SPATA6: variants seen among roughly 807,000 people sequenced by gnomAD.
The protein encoded by SPATA6 is spermatogenesis-associated protein 6.
A neutral mutation model predicts 65.3 loss-of-function variants in SPATA6; 56 were observed. The ratio of observed to expected loss-of-function variants is 0.86; its 90% CI spans 0.69 to 1.07. The LOEUF (loss-of-function observed/expected upper bound fraction) is 1.07, where lower values mean the gene tolerates loss of function less well. SPATA6 is among the 50% of genes least tolerant of loss of function. The pLI, the probability that SPATA6 is intolerant of heterozygous loss-of-function variation, is 0.00. For missense variants in SPATA6, 590 were observed against 594.8 expected, an observed-to-expected ratio of 0.99 and a Z score of 0.08; for synonymous variants, 199 against 213.2, an observed-to-expected ratio of 0.93 and a Z score of 0.58.
intron 3 of SPATA6, chr1:48,435,890 T>C: frequency 7.0e-7 from 1 of 1,424,568 alleles, no homozygotes; most frequent in African/African-American, 1.4e-5. Flanking sequence ...ATCTGCATCT[T>C]GAAAGGAAGA....
At chr1:48,365,605 T>C (rs1208160240) in intron 9 of SPATA6, among the ~76,000 whole-genome samples, 1 of 152,194 alleles carries the variant, frequency 6.6e-6, no homozygotes, top group African/African-American at 2.4e-5. Context: ...TTGTCTGTTA[T>C]TGGTGTATAA....
chr1:48,350,580 G>A (rs953089119), intron 11 of SPATA6, among the ~76,000 whole-genome samples: 8 of 151,758 alleles, frequency 5.3e-5, no homozygotes, highest in Non-Finnish European at 8.8e-5. Context: ...TGAATTACAC[G>A]CCAAGGGGCT....
At chr1:48,421,011 GCAGGATAGTAATAA>G (rs1036747687) in intron 3 of SPATA6, among the ~76,000 whole-genome samples, 6 of 152,132 alleles carry the variant, frequency 3.9e-5, no homozygotes, top group African/African-American at 1.4e-4. Context: ...GAAGTAGAGA[GCAGGATAGTAATAA>G]CCAGAGCTTG....
At chr1:48,277,366 C>T in the SPATA6 span, among the ~76,000 whole-genome samples, 1 of 152,224 alleles carries the variant, frequency 6.6e-6, no homozygotes. Context: ...TGAGCCAAAG[C>T]AGGGCGAGGC....
chr1:48,443,337 C>T (rs1655698735), intron 3 of SPATA6, among the ~76,000 whole-genome samples: 1 of 152,220 alleles, frequency 6.6e-6, no homozygotes, highest in African/African-American at 2.4e-5. Context: ...CAGACCCTAT[C>T]AGTGCCCCAC....
At chr1:48,334,153 A>G (rs1362495494) in intron 11 of SPATA6, among the ~76,000 whole-genome samples, 1 of 152,076 alleles carries the variant, frequency 6.6e-6, no homozygotes, top group Non-Finnish European at 1.5e-5. Context: ...CGACCAACCA[A>G]TAAAAGCCAA....
chr1:48,384,500 G>A (rs981719173), intron 9 of SPATA6, among the ~76,000 whole-genome samples: 3 of 150,872 alleles, frequency 2.0e-5, no homozygotes, highest in Admixed American at 6.7e-5. Flanking sequence ...GAAAAGATAA[G>A]CTATGAGACA....
intron 9 of SPATA6, among the ~76,000 whole-genome samples, chr1:48,363,515 G>C (rs754722562): frequency 5.3e-5 from 8 of 152,046 alleles, no homozygotes; most frequent in Non-Finnish European, 8.8e-5. Flanking sequence ...TTAAATGAAA[G>C]GAAAGTGAAA....
At chr1:48,412,870 C>T (rs1485819742) in intron 4 of SPATA6, among the ~76,000 whole-genome samples, 2 of 152,102 alleles carry the variant, frequency 1.3e-5, no homozygotes, top group East Asian at 3.9e-4. Context: ...CCGCCTGCCT[C>T]AGCCTCCCAA....
intron 7 of SPATA6, among the ~76,000 whole-genome samples, chr1:48,398,033 G>A (rs927745462): frequency 4.0e-5 from 6 of 151,424 alleles, no homozygotes; most frequent in Non-Finnish European, 8.9e-5. Flanking sequence ...TGAAAATATA[G>A]TATATCCTTT....
chr1:48,375,696 C>T (rs796628034), intron 9 of SPATA6, among the ~76,000 whole-genome samples: 10 of 152,054 alleles, frequency 6.6e-5, no homozygotes, highest in South Asian at 6.2e-4. Flanking sequence ...TGACCAACAC[C>T]GCCAGACTCA....
At chr1:48,302,689 A>T (rs541496674) in intron 12 of SPATA6, among the ~76,000 whole-genome samples, 3 of 152,186 alleles carry the variant, frequency 2.0e-5, no homozygotes, top group Admixed American at 6.6e-5. Flanking sequence ...GCCATAAATT[A>T]GTGGCTCATT....
chr1:48,403,878 T>C lies in SPATA6; in HGVS notation c.410A>G (p.Asn137Ser). ...TMRRISGLRG[N>S]APRLEFSTTS... ...CGTAGAAAATTCCAGCCTTGGAGCATTTCCCTGAGAAGAAAAAAGAGGGTA... is the reference window on the plus strand; with the variant it reads ...CGTAGAAAATTCCAGCCTTGGAGCACTTCCCTGAGAAGAAAAAAGAGGGTA... The change falls in exon 6 of 13, where the codon AAT becomes AGT. Residue 137 changes from asparagine (N) to serine (S), a missense_variant. Transcript: ENST00000371847. The C allele has an allele frequency of 6.2e-7, 1 of 1,607,604 alleles. No individual in the cohort carries two copies. The highest frequency in any genetic ancestry group is 2.2e-5 in the East Asian group (1 of 44,614).
chr1:48,373,996 A>G (rs1171347947), intron 9 of SPATA6, among the ~76,000 whole-genome samples: 2 of 152,184 alleles, frequency 1.3e-5, no homozygotes, highest in Non-Finnish European at 2.9e-5. Flanking sequence ...ACTGATCCAC[A>G]TAATTTCCAT....
At chr1:48,321,645 T>A (rs981128876) in intron 11 of SPATA6, among the ~76,000 whole-genome samples, 4 of 152,152 alleles carry the variant, frequency 2.6e-5, no homozygotes, top group African/African-American at 9.7e-5. Context: ...ATACCAGACT[T>A]AATCTGCACT....
chr1:48,312,151 G>A (rs776526826), intron 11 of SPATA6, among the ~76,000 whole-genome samples: 10 of 152,314 alleles, frequency 6.6e-5, no homozygotes, highest in Admixed American at 2.6e-4. Flanking sequence ...AGGGAATAGC[G>A]AAACAAAAGG....
chr1:48,429,394 C>T (rs951928621), intron 3 of SPATA6, among the ~76,000 whole-genome samples: 1 of 151,898 alleles, frequency 6.6e-6, no homozygotes, highest in African/African-American at 2.4e-5. Context: ...GGGAAGGCTC[C>T]GAAAATACTT....
chr1:48,453,741 G>A (rs1458045799), intron 1 of SPATA6, among the ~76,000 whole-genome samples: 1 of 152,080 alleles, frequency 6.6e-6, no homozygotes, highest in Non-Finnish European at 1.5e-5. Context: ...AAAGCTCCCA[G>A]AGGGGAGGAT....
Position 48,359,660 on chromosome 1 carries a change from T to C in SPATA6, c.1020A>G (p.Leu340=). Residue 340 remains leucine (L), a synonymous_variant, in exon 10 of 13, where the codon CTA becomes CTG. Transcript: ENST00000371847. ...SKPRHSARTL[L]VHSAPSTMPK... is the part of the protein sequence containing the mutation. ...GCATTGTTGAGGGTGCTGAATGGAC[T>C]AGCAAGGTCCTCGCTGAATGCCGGG... is the stretch of plus-strand genomic sequence containing the variant. The C allele has an allele frequency of 6.2e-7, 1 of 1,613,800 alleles. No homozygotes were observed. The highest frequency in any genetic ancestry group is 8.5e-7 in the Non-Finnish European group (1 of 1,179,820).
Sources: allele counts gnomAD v4.1 joint callset (sites outside exome capture counted in the v4.1 genomes callset), GRCh38; gene constraint gnomAD v4.1.1; transcripts MANE v1.5; gene names NCBI Gene and HGNC (gene_info 2026-07-23, HGNC 2026-07-21).